Variants in FXR1 observed in about 807,000 individuals in gnomAD.
FXR1 encodes RNA-binding protein FXR1.
Under a neutral mutation model 84.0 loss-of-function variants are expected in FXR1, and 15 were observed. The observed-to-expected ratio is 0.18, with a 90% CI of 0.12 to 0.27. FXR1 has a LOEUF of 0.27. FXR1 is among the 10% of genes least tolerant of loss of function. The probability of loss-of-function intolerance (pLI) is 1.00; values close to 1 mark genes in which losing one functional copy is unlikely to be tolerated. For synonymous variants in FXR1, 245 were observed against 250.7 expected, an observed-to-expected ratio of 0.98 and a Z score of 0.21; for missense variants, 480 against 774.4, an observed-to-expected ratio of 0.62 and a Z score of 4.51.
intron 15 of FXR1, chr3:180,971,624 G>T (rs1713599957): frequency 6.6e-6 from 1 of 152,500 alleles, no homozygotes; most frequent in South Asian, 2.1e-4. Context: ...ATATTTGAAG[G>T]TGTCTTTAAC....
chr3:180,920,637 T>C (rs561086049), intron 1 of FXR1, among the ~76,000 whole-genome samples: 9 of 152,014 alleles, frequency 5.9e-5, no homozygotes, highest in Non-Finnish European at 1.2e-4. Flanking sequence ...TCAGTAATTA[T>C]TGTAGCTGAG....
intron 15 of FXR1, among the ~76,000 whole-genome samples, chr3:180,974,920 C>T (rs923898081): frequency 6.2e-5 from 9 of 145,918 alleles, no homozygotes; most frequent in South Asian, 2.3e-4. Flanking sequence ...GTGATTTGGA[C>T]CAAATTTGCC....
intron 3 of FXR1, among the ~76,000 whole-genome samples, chr3:180,938,371 T>G (rs907691910): frequency 6.6e-6 from 1 of 152,176 alleles, no homozygotes; most frequent in Non-Finnish European, 1.5e-5. Flanking sequence ...TTTGTAAACT[T>G]GGTGGATGGA....
intron 13 of FXR1, among the ~76,000 whole-genome samples, chr3:180,964,360 G>C (rs961956888): frequency 6.6e-6 from 1 of 152,062 alleles, no homozygotes; most frequent in Non-Finnish European, 1.5e-5. Context: ...TGGATGATGC[G>C]TATGATGAAT....
chr3:180,967,246 A>C (rs1374807441), intron 13 of FXR1, among the ~76,000 whole-genome samples: 1 of 152,202 alleles, frequency 6.6e-6, no homozygotes, highest in Admixed American at 6.5e-5. Flanking sequence ...GCAATTTAAG[A>C]TGCTAGTAAA....
chr3:180,915,929 G>T (rs1172720304), intron 1 of FXR1, among the ~76,000 whole-genome samples: 1 of 152,228 alleles, frequency 6.6e-6, no homozygotes, highest in Non-Finnish European at 1.5e-5. Context: ...GCATTTAACA[G>T]TGGCTCTATA....
At chr3:180,964,217 T>G (rs1300520405) in intron 13 of FXR1, among the ~76,000 whole-genome samples, 1 of 152,280 alleles carries the variant, frequency 6.6e-6, no homozygotes, top group East Asian at 1.9e-4. Context: ...GGATGAAAAT[T>G]GCAGACTATT....
At chr3:180,923,479 C>T (rs1421048512) in intron 1 of FXR1, among the ~76,000 whole-genome samples, 1 of 152,118 alleles carries the variant, frequency 6.6e-6, no homozygotes, top group East Asian at 1.9e-4. Flanking sequence ...ACAGTGAAAC[C>T]ACTGTATTGT....
intron 3 of FXR1, among the ~76,000 whole-genome samples, chr3:180,940,980 A>C (rs1241962840): frequency 2.0e-5 from 3 of 152,186 alleles, no homozygotes; most frequent in Non-Finnish European, 4.4e-5. Flanking sequence ...TTCATAGTTA[A>C]AATAGGAATT....
At chr3:180,967,592 C>G (rs1230935569) in intron 13 of FXR1, among the ~76,000 whole-genome samples, 1 of 149,962 alleles carries the variant, frequency 6.7e-6, no homozygotes, top group African/African-American at 2.5e-5. Flanking sequence ...GGTGCCAAAA[C>G]CTAGGAATTA....
intron 13 of FXR1, among the ~76,000 whole-genome samples, chr3:180,967,653 C>G (rs905067011): frequency 1.1e-4 from 16 of 151,008 alleles, no homozygotes; most frequent in African/African-American, 1.7e-4. Context: ...TTCTGCACAT[C>G]AGTTTTTTTT....
At chr3:180,938,352 A>G (rs937866257) in intron 3 of FXR1, among the ~76,000 whole-genome samples, 2 of 152,152 alleles carry the variant, frequency 1.3e-5, no homozygotes, top group African/African-American at 4.8e-5. Context: ...TATTGTTCAT[A>G]TGTACAGTTT....
At chr3:180,939,545 T>C (rs1720902851) in intron 3 of FXR1, among the ~76,000 whole-genome samples, 1 of 152,156 alleles carries the variant, frequency 6.6e-6, no homozygotes, top group Non-Finnish European at 1.5e-5. Flanking sequence ...CCATGACTTC[T>C]TTGAGCATGC....
In FXR1 at chr3:180,979,761, C is replaced by G. The variant is rs1355837323; in HGVS notation, c.*3469C>G. ...TACACTGAACAGTAGGAAATTACCA[C>G]TTTTGTAAGGCTCAAAAATGATCAA... On this transcript the variant is annotated 3_prime_UTR_variant, in exon 17 of 17. Transcript: ENST00000357559. 2.0e-5 allele frequency: 3 copies of G among 152,030 alleles called. No individual in the cohort carries two copies. The highest frequency in any genetic ancestry group is 4.4e-5 in the Non-Finnish European group (3 of 67,954). The allele number at this position is 152,030 out of a possible 1,614,324, so 9.4% of individuals were successfully genotyped here. A position where few individuals can be genotyped will look rare whatever the true frequency, so the allele number is the denominator to read the frequency against.
chr3:180,926,500 A>ATTT (rs1261585777), intron 1 of FXR1, among the ~76,000 whole-genome samples: 56 of 51,836 alleles, frequency 1.1e-3, no homozygotes, highest in African/African-American at 8.7e-3. Context: ...ATATATATAT[A>ATTT]TATATATTTT....
intron 7 of FXR1, among the ~76,000 whole-genome samples, chr3:180,950,876 C>T (rs1294132175): frequency 6.6e-6 from 1 of 152,048 alleles, no homozygotes; most frequent in Non-Finnish European, 1.5e-5. Flanking sequence ...TTGCTTTCAC[C>T]TCTTTACTGT....
intron 1 of FXR1, among the ~76,000 whole-genome samples, chr3:180,928,121 A>G (rs1335828246): frequency 1.5e-5 from 2 of 137,296 alleles, no homozygotes; most frequent in South Asian, 2.3e-4. Context: ...TGTTTTATCT[A>G]TTGATTTTTT....
chr3:180,960,546 A>G (rs1039166241), intron 10 of FXR1, among the ~76,000 whole-genome samples: 2 of 152,174 alleles, frequency 1.3e-5, no homozygotes, highest in Admixed American at 6.5e-5. Context: ...GCTCACTGCA[A>G]TCTCTGCCTC....
intron 1 of FXR1, among the ~76,000 whole-genome samples, chr3:180,924,583 G>A (rs555999395): frequency 6.6e-6 from 1 of 152,200 alleles, no homozygotes; most frequent in Non-Finnish European, 1.5e-5. Context: ...TGAATAGTTG[G>A]AAGTTGGGTT....
Sources: allele counts gnomAD v4.1 joint callset (sites outside exome capture counted in the v4.1 genomes callset), GRCh38; gene constraint gnomAD v4.1.1; transcripts MANE v1.5; gene names NCBI Gene and HGNC (gene_info 2026-07-23, HGNC 2026-07-21).